RAB11A: variants seen among roughly 807,000 people sequenced by gnomAD.
The protein encoded by RAB11A is RAB11A, member RAS oncogene family, also known as ras-related protein Rab-11A.
In RAB11A, 9 loss-of-function variants were observed where a neutral mutation model predicts 28.0. The ratio of observed to expected loss-of-function variants is 0.32; its 90% CI spans 0.19 to 0.56. The LOEUF (loss-of-function observed/expected upper bound fraction) is 0.56. Among genes scored for constraint, RAB11A ranks in the 20% least tolerant of loss-of-function variants. RAB11A has a pLI of 0.91. For missense variants in RAB11A, 108 were observed against 269.6 expected, an observed-to-expected ratio of 0.40 and a Z score of 4.20; for synonymous variants, 85 against 88.2, an observed-to-expected ratio of 0.96 and a Z score of 0.20.
At chr15:65,871,177 A>C (rs1200027414) in intron 1 of RAB11A, among the ~76,000 whole-genome samples, 1 of 152,206 alleles carries the variant, frequency 6.6e-6, no homozygotes, top group African/African-American at 2.4e-5. Context: ...TGCTTTCCCA[A>C]TACTTTGCAA....
rs1300571670 is a variant in RAB11A, at chr15:65,889,786, G to T, written c.*1946G>T. On this transcript the variant is annotated 3_prime_UTR_variant, in exon 5 of 5. Transcript: ENST00000261890. ...AAAAACTAAATAGTGAATTGAAAAT[G>T]AATAAAGTAAACTTAGAATTTTTAC... 1 of 152,188 alleles carries T rather than the reference G, an allele frequency of 6.6e-6. No individual in the cohort carries two copies. Among genetic ancestry groups the T allele is most frequent in the Non-Finnish European group, 1.5e-5 (1 of 68,036 alleles). 9.4% of individuals were successfully genotyped at this position (152,188 alleles called of 1,614,324 possible). A position where few individuals can be genotyped will look rare whatever the true frequency, so the allele number is the denominator to read the frequency against.
rs1032851738 is a variant in RAB11A at position 65,877,663 on chromosome 15, T to G, written c.237-99T>G. 4.6e-5 allele frequency: 61 copies of G among 1,337,574 alleles called. No homozygotes were observed. In the East Asian group the frequency reaches 1.4e-3, roughly 31 times the overall value. The allele number at this position is 1,337,574 out of a possible 1,614,324, so 82.9% of individuals were successfully genotyped here. A position where few individuals can be genotyped will look rare whatever the true frequency, so the allele number is the denominator to read the frequency against. On this transcript the variant is annotated intron_variant, in intron 2 of 4. Coordinates refer to ENST00000261890, the MANE Select transcript of RAB11A (RefSeq NM_004663.5). The surrounding 1 kb of genome is among the most constrained non-coding windows in gnomAD (Gnocchi z 4.1). Reference sequence around the variant, plus strand: ...TTAGGAATCCTTAGAAATTTATTTATAAGTATGTTTTTAAAACTCATGATC... The same window carrying G: ...TTAGGAATCCTTAGAAATTTATTTAGAAGTATGTTTTTAAAACTCATGATC...
At position 65,877,715 on chromosome 15, in the gene RAB11A, G is replaced by T; in HGVS notation, c.237-47G>T. On this transcript the variant is annotated intron_variant, in intron 2 of 4. Transcript: ENST00000261890. The surrounding 1 kb of genome is among the most constrained non-coding windows in gnomAD (Gnocchi z 4.1). Reference sequence around the variant, plus strand: ...ATATTTTGAGTTCTTCCTGGTGTTTGCTTCCATCTTGTGGTTTTCTGATAC... The same window carrying T: ...ATATTTTGAGTTCTTCCTGGTGTTTTCTTCCATCTTGTGGTTTTCTGATAC... The T allele has an allele frequency of 6.8e-7, 1 of 1,462,354 alleles. No homozygotes were observed. Among genetic ancestry groups the T allele is most frequent in the Non-Finnish European group, 9.3e-7 (1 of 1,075,722 alleles). The allele number at this position is 1,462,354 out of a possible 1,614,324, so 90.6% of individuals were successfully genotyped here.
chr15:65,872,000 A>AGG (rs2078164455), intron 1 of RAB11A, among the ~76,000 whole-genome samples: 1 of 143,534 alleles, frequency 7.0e-6, no homozygotes, highest in Admixed American at 7.3e-5. Context: ...GGCACAATCA[A>AGG]GGCTCACTGC....
Position 65,869,565 on chromosome 15 carries a change from C to T in RAB11A, c.-21C>T, listed in dbSNP as rs903362179. ...CACAGATACCACTGCTGCTCCCGCC[C>T]TTTCGCTCCTCGGCCGCGCAATGGG... is the stretch of plus-strand genomic sequence containing the variant. On this transcript the variant is annotated 5_prime_UTR_variant, in exon 1 of 5. Coordinates refer to ENST00000261890, the MANE Select transcript of RAB11A (RefSeq NM_004663.5). The T allele has an allele frequency of 4.3e-6, 7 of 1,609,630 alleles. No homozygotes were observed. Among genetic ancestry groups the T allele is most frequent in the Non-Finnish European group, 5.9e-6 (7 of 1,179,672 alleles).
intron 4 of RAB11A, among the ~76,000 whole-genome samples, chr15:65,886,572 G>A (rs78279357): frequency 7.2e-5 from 11 of 152,262 alleles, no homozygotes; most frequent in Non-Finnish European, 1.2e-4. Context: ...AACTGGGAGA[G>A]TAAACAAAAA....
chr15:65,874,248 T>TG (rs2078179132), intron 1 of RAB11A, among the ~76,000 whole-genome samples: 1 of 150,902 alleles, frequency 6.6e-6, no homozygotes, highest in South Asian at 2.1e-4. Context: ...TTTTTTGAGA[T>TG]GGAGTTTCAC....
chr15:65,881,772 G>C (rs2078223685), intron 4 of RAB11A, among the ~76,000 whole-genome samples: 1 of 150,300 alleles, frequency 6.7e-6, no homozygotes, highest in Non-Finnish European at 1.5e-5. Context: ...GATCGCTTGA[G>C]CTCAAACATC....
In RAB11A at chr15:65,887,742, C is replaced by G. The variant is rs764020784; in HGVS notation, c.553C>G (p.Arg185Gly). Residue 185 changes from arginine to glycine, a missense_variant, in exon 5 of 5, where the codon CGC becomes GGC. Coordinates refer to ENST00000261890, the MANE Select transcript of RAB11A (RefSeq NM_004663.5). ...TTCTCAGAAGCAAATGTCAGACAGA[C>G]GCGAAAATGACATGTCTCCAAGCAA... ...IVSQKQMSDRRENDMSPSNNV... is the reference protein window; with the variant it reads ...IVSQKQMSDRGENDMSPSNNV... The G allele has an allele frequency of 6.2e-7, 1 of 1,613,344 alleles. No individual in the cohort carries two copies. Among genetic ancestry groups the G allele is most frequent in the Non-Finnish European group, 8.5e-7 (1 of 1,179,600 alleles).
chr15:65,887,873 T>C lies in RAB11A; in HGVS notation c.*33T>C, dbSNP rs368148528. 58 of 1,521,980 alleles carry C rather than the reference T, an allele frequency of 3.8e-5. No homozygotes were observed. In the African/African-American group the frequency reaches 8.2e-4, roughly 22 times the overall value. 94.3% of individuals were successfully genotyped at this position (1,521,980 alleles called of 1,614,324 possible). ...CTCTTCTCCCCTAGAAGGCTGTGTA[T>C]AGTCCATTTCCCAGGTCTGAGATTT... is the stretch of plus-strand genomic sequence containing the variant. On this transcript the variant is annotated 3_prime_UTR_variant, in exon 5 of 5. Coordinates refer to ENST00000261890, the MANE Select transcript of RAB11A (RefSeq NM_004663.5).
rs891395732 is a variant in RAB11A, at chr15:65,877,613, T to C, written c.236+86T>C. On this transcript the variant is annotated intron_variant, in intron 2 of 4. Coordinates refer to ENST00000261890, the MANE Select transcript of RAB11A (RefSeq NM_004663.5). This position sits in a 1 kb window ranked among gnomAD's most constrained non-coding sequence, Gnocchi z 4.1. ...TTTGGTATTGGAAAAAGAACTGTTG[T>C]TTTTTTCTTTTAAGAATTCTAGTAT... is the stretch of plus-strand genomic sequence containing the variant. The C allele has an allele frequency of 8.5e-6, 12 of 1,412,784 alleles. 1 individual carries two copies. In the African/African-American group the frequency reaches 1.5e-4, roughly 17 times the overall value. The allele number at this position is 1,412,784 out of a possible 1,614,324, so 87.5% of individuals were successfully genotyped here. A position where few individuals can be genotyped will look rare whatever the true frequency, so the allele number is the denominator to read the frequency against.
chr15:65,880,226 A>G (rs146556445), intron 4 of RAB11A, among the ~76,000 whole-genome samples: 1 of 152,342 alleles, frequency 6.6e-6, no homozygotes, highest in African/African-American at 2.4e-5. Context: ...GTATCATGGG[A>G]GATAATTGGT....
rs1888197658 is a variant in RAB11A at position 65,891,386 on chromosome 15, A to G, written c.*3546A>G. The G allele has an allele frequency of 6.6e-6, 1 of 152,366 alleles. No homozygotes were observed. The highest frequency in any genetic ancestry group is 2.1e-4 in the South Asian group (1 of 4,834). The allele number at this position is 152,366 out of a possible 1,614,324, so 9.4% of individuals were successfully genotyped here. A position where few individuals can be genotyped will look rare whatever the true frequency, so the allele number is the denominator to read the frequency against. Reference sequence around the variant, plus strand: ...AATATTTGAAAGGATGTTGTGTACTAGGCAATATACTAGCATGTATTAGAA... The same window carrying G: ...AATATTTGAAAGGATGTTGTGTACTGGGCAATATACTAGCATGTATTAGAA... On this transcript the variant is annotated 3_prime_UTR_variant, in exon 5 of 5. Transcript: ENST00000261890.
chr15:65,869,602 A>G lies in RAB11A; in HGVS notation c.17A>G (p.Asp6Gly). 6.2e-7 allele frequency: 1 copy of G among 1,611,702 alleles called. No homozygotes were observed. The highest frequency in any genetic ancestry group is 8.5e-7 in the Non-Finnish European group (1 of 1,179,920). Reference sequence around the variant, plus strand: ...GGCCGCGCAATGGGCACCCGCGACGACGAGTACGACTACCTCTTTAAAGGT... The same window carrying G: ...GGCCGCGCAATGGGCACCCGCGACGGCGAGTACGACTACCTCTTTAAAGGT... The part of the protein sequence containing the change: MGTRD[D>G]EYDYLFKVVL... The change falls in exon 1 of 5, where the codon GAC becomes GGC. Residue 6 changes from aspartate to glycine, a missense_variant. Coordinates refer to ENST00000261890, the MANE Select transcript of RAB11A (RefSeq NM_004663.5).
rs1009724571 is a variant in RAB11A, at chr15:65,869,628, G to A, written c.40+3G>A. On this transcript the variant is annotated splice_donor_region_variant and intron_variant, in intron 1 of 4. Transcript: ENST00000261890. The stretch of plus-strand genomic sequence containing the variant: ...CGAGTACGACTACCTCTTTAAAGGT[G>A]AGGCCATGGGCTCTCGCACTCTACA... The A allele has an allele frequency of 3.1e-6, 5 of 1,611,386 alleles. No homozygotes were observed. Among genetic ancestry groups the A allele is most frequent in the African/African-American group, 1.3e-5 (1 of 74,920 alleles).
chr15:65,886,237 A>G (rs2078254962), intron 4 of RAB11A, among the ~76,000 whole-genome samples: 1 of 152,224 alleles, frequency 6.6e-6, no homozygotes, highest in African/African-American at 2.4e-5. Context: ...GGGATGTTGA[A>G]TAAAGTAGCC....
In RAB11A at chr15:65,869,596, G is replaced by A; in HGVS notation, c.11G>A (p.Arg4His). 4 of 1,611,420 alleles carry A rather than the reference G, an allele frequency of 2.5e-6. No individual in the cohort carries two copies. The highest frequency in any genetic ancestry group is 1.1e-5 in the South Asian group (1 of 91,078). The change falls in exon 1 of 5, where the codon CGC becomes CAC. Residue 4 changes from arginine (R) to histidine (H), a missense_variant. This residue lies in a region of RAB11A where 23 missense variants were observed against 123.7 expected (regional missense o/e 0.19). Transcript: ENST00000261890. MGT[R>H]DDEYDYLFKV... is the part of the protein sequence containing the mutation. ...CTCCTCGGCCGCGCAATGGGCACCC[G>A]CGACGACGAGTACGACTACCTCTTT...
intron 1 of RAB11A, among the ~76,000 whole-genome samples, chr15:65,874,313 G>C (rs2141101495): frequency 6.6e-6 from 1 of 151,490 alleles, no homozygotes; most frequent in South Asian, 2.1e-4. Flanking sequence ...TGCGATTTCA[G>C]CTTACTGCAA....
chr15:65,878,569 C>T (rs1039855600), intron 3 of RAB11A, among the ~76,000 whole-genome samples: 1 of 152,150 alleles, frequency 6.6e-6, no homozygotes, highest in Non-Finnish European at 1.5e-5. Flanking sequence ...GTCCCAGCTA[C>T]TCGGGAGGCT....
Sources: allele counts gnomAD v4.1 joint callset (sites outside exome capture counted in the v4.1 genomes callset), GRCh38; gene constraint gnomAD v4.1.1; regional missense constraint gnomAD v4.1.1; non-coding constraint Gnocchi (gnomAD v3.1); transcripts MANE v1.5; gene names NCBI Gene and HGNC (gene_info 2026-07-23, HGNC 2026-07-21).